Variants in CSMD1 observed in about 807,000 individuals in gnomAD.
CSMD1 encodes CUB and sushi domain-containing protein 1.
In CSMD1, 213 loss-of-function variants were observed where a neutral mutation model predicts 417.5. That is an observed-to-expected ratio of 0.51 (90% CI 0.46 to 0.57). CSMD1 has a LOEUF of 0.57. Among genes scored for constraint, CSMD1 ranks in the 20% least tolerant of loss-of-function variants. The probability of loss-of-function intolerance (pLI) is 0.00; values close to 1 mark genes in which losing one functional copy is unlikely to be tolerated. For synonymous variants in CSMD1, 2,862 were observed against 1,736.8 expected (o/e 1.65, Z -16.11); for missense variants, 6,923 against 4,529.7 (o/e 1.53, Z -15.17).
intron 10 of CSMD1, among the ~76,000 whole-genome samples, chr8:3,509,440 G>A (rs915518281): frequency 6.6e-6 from 1 of 152,132 alleles, no homozygotes; most frequent in Non-Finnish European, 1.5e-5. Flanking sequence ...TGGTGATTCT[G>A]CCTTCTATAG....
chr8:3,850,715 C>A (rs2975384), intron 5 of CSMD1, among the ~76,000 whole-genome samples: 57,298 of 151,704 alleles, frequency 0.38, 12,198 homozygotes, highest in African/African-American at 0.58. Flanking sequence ...TATAAATAAA[C>A]ATAAAAAAAT....
At chr8:3,055,846 A>C (rs10866943) in intron 49 of CSMD1, among the ~76,000 whole-genome samples, 36,372 of 152,018 alleles carry the variant, frequency 0.24, 4,630 homozygotes, top group East Asian at 0.43. Context: ...CCTCTCAATA[A>C]CAGTGTGGCT....
At chr8:3,221,006 G>C (rs1252989484) in intron 28 of CSMD1, among the ~76,000 whole-genome samples, 2 of 151,230 alleles carry the variant, frequency 1.3e-5, no homozygotes, top group Non-Finnish European at 2.9e-5. Context: ...AACTGAGACA[G>C]AGAAGGTCAG....
intron 3 of CSMD1, among the ~76,000 whole-genome samples, chr8:4,066,056 AG>A (rs1436292030): frequency 3.3e-5 from 5 of 152,198 alleles, no homozygotes; most frequent in African/African-American, 9.7e-5. Flanking sequence ...GGAATGGGAA[AG>A]CCTGGAATAG....
intron 5 of CSMD1, among the ~76,000 whole-genome samples, chr8:3,813,847 G>A (rs1460736140): frequency 6.6e-6 from 1 of 152,062 alleles, no homozygotes; most frequent in African/African-American, 2.4e-5. Context: ...CGAAGTTTAT[G>A]TTTTCTATCA....
chr8:3,590,508 C>G (rs1373401379), intron 8 of CSMD1, among the ~76,000 whole-genome samples: 1 of 152,122 alleles, frequency 6.6e-6, no homozygotes, highest in Admixed American at 6.5e-5. Context: ...ACAATCATCA[C>G]CTGGTATCAC....
intron 48 of CSMD1, among the ~76,000 whole-genome samples, chr8:3,089,440 C>T (rs1038194312): frequency 2.0e-5 from 3 of 152,156 alleles, no homozygotes; most frequent in African/African-American, 4.8e-5. Flanking sequence ...ATTTCTTTGT[C>T]GTTTTTAACT....
At chr8:3,809,220 A>G (rs117705303) in intron 5 of CSMD1, among the ~76,000 whole-genome samples, 2,249 of 152,266 alleles carry the variant, frequency 0.015, 46 homozygotes, top group East Asian at 0.038. Flanking sequence ...GTCTCCAGTT[A>G]AGTTTCACTT....
intron 1 of CSMD1, among the ~76,000 whole-genome samples, chr8:4,919,899 G>A (rs916264490): frequency 6.6e-6 from 1 of 152,084 alleles, no homozygotes; most frequent in African/African-American, 2.4e-5. Context: ...GCAGCAACAA[G>A]GTATTCTCTT....
chr8:4,602,979 G>A (rs1248993121), intron 2 of CSMD1, among the ~76,000 whole-genome samples: 1 of 151,842 alleles, frequency 6.6e-6, no homozygotes. Flanking sequence ...CAGACTATTT[G>A]TAATTTAGTA....
At chr8:4,292,456 G>T (rs1198146114) in intron 3 of CSMD1, among the ~76,000 whole-genome samples, 2 of 152,070 alleles carry the variant, frequency 1.3e-5, no homozygotes, top group Admixed American at 6.5e-5. Flanking sequence ...ATTTCACCGT[G>T]TTAGTCAGAA....
At chr8:3,121,034 G>A (rs1409823970) in intron 41 of CSMD1, among the ~76,000 whole-genome samples, 1 of 151,870 alleles carries the variant, frequency 6.6e-6, no homozygotes, top group African/African-American at 2.4e-5. Flanking sequence ...AGAAAAAGGT[G>A]AATGTTTAAA....
chr8:4,038,241 T>A (rs1426545993), intron 3 of CSMD1, among the ~76,000 whole-genome samples: 3 of 152,118 alleles, frequency 2.0e-5, no homozygotes, highest in African/African-American at 7.2e-5. Context: ...ATGGGAACAA[T>A]GTGAATAAAT....
chr8:4,851,266 A>C (rs67725053), intron 1 of CSMD1, among the ~76,000 whole-genome samples: 31,537 of 151,842 alleles, frequency 0.21, 4,099 homozygotes, highest in Non-Finnish European at 0.29. Flanking sequence ...GTCCCTACAA[A>C]GGACATGAAC....
chr8:4,225,328 G>T (rs1314433943), intron 3 of CSMD1, among the ~76,000 whole-genome samples: 4 of 151,972 alleles, frequency 2.6e-5, no homozygotes, highest in African/African-American at 7.3e-5. Context: ...GAGACTTGAT[G>T]TTATTTTAAT....
At chr8:4,715,945 G>C (rs190680729) in intron 1 of CSMD1, among the ~76,000 whole-genome samples, 3 of 152,232 alleles carry the variant, frequency 2.0e-5, no homozygotes, top group East Asian at 1.9e-4. Flanking sequence ...CTTGTAAATC[G>C]TCTTCGTTAA....
chr8:3,165,917 G>T (rs1025804109), intron 37 of CSMD1, among the ~76,000 whole-genome samples: 3 of 152,078 alleles, frequency 2.0e-5, no homozygotes, highest in Non-Finnish European at 4.4e-5. Flanking sequence ...AAGGAGGTGG[G>T]GGAATGTAGA....
At chr8:4,190,199 C>T (rs1458025859) in intron 3 of CSMD1, among the ~76,000 whole-genome samples, 1 of 142,758 alleles carries the variant, frequency 7.0e-6, no homozygotes, top group Non-Finnish European at 1.5e-5. Flanking sequence ...GTGGAGCTTG[C>T]AGTGAGCTGA....
chr8:4,924,581 G>T (rs1443023098), intron 1 of CSMD1, among the ~76,000 whole-genome samples: 1 of 151,898 alleles, frequency 6.6e-6, no homozygotes, highest in Non-Finnish European at 1.5e-5. Context: ...AATTAGCCTG[G>T]TGTGGTGGCC....
Sources: allele counts gnomAD v4.1 joint callset (sites outside exome capture counted in the v4.1 genomes callset), GRCh38; gene constraint gnomAD v4.1.1; transcripts MANE v1.5; gene names NCBI Gene and HGNC (gene_info 2026-07-23, HGNC 2026-07-21).